The following UMAD1 variants were observed in gnomAD, a reference collection of about 807,000 sequenced individuals.
The protein encoded by UMAD1 is UBAP1-MVB12-associated (UMA)-domain containing protein 1.
Under a neutral mutation model 6.1 loss-of-function variants are expected in UMAD1, and 8 were observed. The observed-to-expected ratio is 1.30, with a 90% confidence interval of 0.76 to 2.35. The LOEUF is 2.35. UMAD1 is among the 30% of genes most tolerant of loss of function. The probability of loss-of-function intolerance (pLI) is 0.00; values close to 1 mark genes in which losing one functional copy is unlikely to be tolerated. For synonymous variants in UMAD1, 56 were observed against 31.4 expected (o/e 1.78, Z -2.61); for missense variants, 130 against 78.4 (o/e 1.66, Z -2.49).
At chr7:7,667,227 G>T (rs1433661134) in intron 1 of UMAD1, among the ~76,000 whole-genome samples, 1 of 152,144 alleles carries the variant, frequency 6.6e-6, no homozygotes, top group Non-Finnish European at 1.5e-5. Flanking sequence ...GCTAATAATG[G>T]GTTTTTGAGA....
At chr7:7,841,312 ATC>A (rs1394511486) in intron 3 of UMAD1, among the ~76,000 whole-genome samples, 7 of 113,630 alleles carry the variant, frequency 6.2e-5, no homozygotes, top group African/African-American at 2.0e-4. Flanking sequence ...ATAACAAGTG[ATC>A]TTTTTTTTTT....
At chr7:7,657,085 CAT>C (rs1431098411) in intron 1 of UMAD1, among the ~76,000 whole-genome samples, 2 of 152,064 alleles carry the variant, frequency 1.3e-5, no homozygotes, top group African/African-American at 4.8e-5. Context: ...AGCTTTTTTT[CAT>C]ATGTTTGTTG....
intron 2 of UMAD1, among the ~76,000 whole-genome samples, chr7:7,795,058 T>G (rs994085217): frequency 6.6e-6 from 1 of 152,228 alleles, no homozygotes; most frequent in Non-Finnish European, 1.5e-5. Flanking sequence ...TAAGAACCCC[T>G]ACTTTGAGAT....
At chr7:7,680,661 CA>C (rs1295075802) in intron 2 of UMAD1, among the ~76,000 whole-genome samples, 1 of 151,324 alleles carries the variant, frequency 6.6e-6, no homozygotes, top group African/African-American at 2.4e-5. Flanking sequence ...CTGATTCTTC[CA>C]ATCCATAAAT....
At chr7:7,680,048 T>G (rs1268067920) in intron 2 of UMAD1, among the ~76,000 whole-genome samples, 1 of 152,098 alleles carries the variant, frequency 6.6e-6, no homozygotes, top group Admixed American at 6.6e-5. Flanking sequence ...TAACTTGATG[T>G]AATCCCATTT....
chr7:7,742,134 G>A, intron 2 of UMAD1: 1 of 630,056 alleles, frequency 1.6e-6, no homozygotes, highest in Non-Finnish European at 3.0e-6. Context: ...GTAATCAGGA[G>A]GCAGTTGAAT....
intron 3 of UMAD1, among the ~76,000 whole-genome samples, chr7:7,852,563 A>G (rs1388963982): frequency 1.3e-5 from 2 of 152,154 alleles, no homozygotes; most frequent in African/African-American, 2.4e-5. Flanking sequence ...ACTCAGGGAA[A>G]CATGTTTACT....
At chr7:7,681,118 T>A (rs1225968702) in intron 2 of UMAD1, among the ~76,000 whole-genome samples, 3 of 152,226 alleles carry the variant, frequency 2.0e-5, no homozygotes, top group Non-Finnish European at 4.4e-5. Context: ...TAGCAACAAC[T>A]TTTTATCAAT....
intron 3 of UMAD1, among the ~76,000 whole-genome samples, chr7:7,852,613 G>A (rs1783938937): frequency 6.6e-6 from 1 of 152,140 alleles, no homozygotes; most frequent in Admixed American, 6.5e-5. Flanking sequence ...CAAATAAGCA[G>A]CCAGATGAAG....
intron 3 of UMAD1, among the ~76,000 whole-genome samples, chr7:7,823,517 C>A (rs960415123): frequency 6.6e-6 from 1 of 152,066 alleles, no homozygotes; most frequent in Non-Finnish European, 1.5e-5. Flanking sequence ...ACTCCGTTTG[C>A]CCAATTTTTT....
chr7:7,645,979 C>A (rs547831586), intron 1 of UMAD1, among the ~76,000 whole-genome samples: 3 of 152,064 alleles, frequency 2.0e-5, no homozygotes, highest in Admixed American at 6.6e-5. Context: ...GCTCGGCTGC[C>A]GTGTACTCAA....
chr7:7,681,716 A>G (rs1017184198), intron 2 of UMAD1, among the ~76,000 whole-genome samples: 3 of 152,150 alleles, frequency 2.0e-5, no homozygotes, highest in Non-Finnish European at 4.4e-5. Context: ...CTATTTAAAA[A>G]TCCAGCAAGC....
intron 2 of UMAD1, among the ~76,000 whole-genome samples, chr7:7,717,281 T>A (rs1780940160): frequency 6.6e-6 from 1 of 152,098 alleles, no homozygotes; most frequent in South Asian, 2.1e-4. Flanking sequence ...GGTCTCGAAC[T>A]CCTGACCCCA....
chr7:7,771,201 GTA>G (rs1554326512), intron 2 of UMAD1, among the ~76,000 whole-genome samples: 13 of 151,570 alleles, frequency 8.6e-5, no homozygotes, highest in Non-Finnish European at 1.9e-4. Context: ...AGCCTAAGTT[GTA>G]TATACCCAAT....
At chr7:7,827,665 C>G (rs1264059239) in intron 3 of UMAD1, among the ~76,000 whole-genome samples, 2 of 151,894 alleles carry the variant, frequency 1.3e-5, no homozygotes, top group Admixed American at 6.6e-5. Context: ...TAAGATATAA[C>G]TTCTAGTTCA....
intron 2 of UMAD1, among the ~76,000 whole-genome samples, chr7:7,786,212 CTCTT>C (rs1334727352): frequency 6.6e-6 from 1 of 152,178 alleles, no homozygotes; most frequent in Non-Finnish European, 1.5e-5. Flanking sequence ...CTCGGGATGT[CTCTT>C]TAATTTCCCT....
Position 7,803,755 on chromosome 7 carries a change from C to T in UMAD1, c.156+2012C>T, listed in dbSNP as rs1306075339. Among the ~76,000 whole-genome samples, 4 of 151,582 alleles carry T rather than the reference C, an allele frequency of 2.6e-5. No homozygotes were observed. The South Asian group carries it at 6.2e-4, about 24-fold the overall frequency. On this transcript the variant is annotated intron_variant, in intron 3 of 3. Transcript: ENST00000682710. ...GTCCTCACATGATAAAGGGAGAACT[C>T]TAGTCTCTTCAGCCCCTTATAAGGG...
chr7:7,824,234 A>G (rs1241661641), intron 3 of UMAD1, among the ~76,000 whole-genome samples: 1 of 152,048 alleles, frequency 6.6e-6, no homozygotes, highest in African/African-American at 2.4e-5. Context: ...ACTCCATTCC[A>G]AGTACCCCGG....
chr7:7,858,589 G>A (rs1012765342), intron 3 of UMAD1, among the ~76,000 whole-genome samples: 19 of 152,174 alleles, frequency 1.2e-4, no homozygotes, highest in African/African-American at 4.6e-4. Context: ...GGTGAAATAC[G>A]TAATCATCTG....
Sources: allele counts gnomAD v4.1 joint callset (sites outside exome capture counted in the v4.1 genomes callset), GRCh38; gene constraint gnomAD v4.1.1; transcripts MANE v1.5; gene names NCBI Gene and HGNC (gene_info 2026-07-23, HGNC 2026-07-21).